FAAH2: variants seen among roughly 807,000 people sequenced by gnomAD.
FAAH2 encodes fatty-acid amide hydrolase 2.
In FAAH2, 60 loss-of-function variants were observed where a neutral mutation model predicts 36.9. The ratio of observed to expected loss-of-function variants is 1.63; its 90% confidence interval spans 1.32 to 2.02. FAAH2 has a LOEUF of 2.02. Among genes scored for constraint, FAAH2 ranks in the 30% most tolerant of loss-of-function variants. The pLI is 0.00. For synonymous variants in FAAH2, 214 were observed against 143.8 expected (o/e 1.49, Z -3.49); for missense variants, 689 against 397.5 (o/e 1.73, Z -6.23).
At chrX:57,194,738 TC>T in the FAAH2 span, among the ~76,000 whole-genome samples, 1 of 110,364 alleles carries the variant, frequency 9.1e-6, no homozygotes, top group East Asian at 2.8e-4. Flanking sequence ...CCTCACCTAC[TC>T]CCCCCCTTCC....
intron 8 of FAAH2, among the ~76,000 whole-genome samples, chrX:57,440,770 C>A (rs377599939): frequency 1.8e-5 from 2 of 111,233 alleles, no homozygotes; most frequent in Non-Finnish European, 3.8e-5. Context: ...TTTTGAGACA[C>A]GTGCCATCAA....
At chrX:57,245,829 GAACA>G in the FAAH2 span, among the ~76,000 whole-genome samples, 4 of 111,365 alleles carry the variant, frequency 3.6e-5, no homozygotes, top group East Asian at 2.8e-4. Flanking sequence ...AGAGAAGCAA[GAACA>G]AACAAATTCC....
At chrX:57,321,897 C>T (rs1350592776) in intron 3 of FAAH2, among the ~76,000 whole-genome samples, 1 of 111,965 alleles carries the variant, frequency 8.9e-6, no homozygotes, top group African/African-American at 3.2e-5. Context: ...CCTATTATTT[C>T]CATATTTAGT....
intron 4 of FAAH2, among the ~76,000 whole-genome samples, chrX:57,339,175 A>G (rs1167307427): frequency 2.7e-5 from 3 of 112,178 alleles, no homozygotes; most frequent in Non-Finnish European, 5.6e-5. Flanking sequence ...CGGATTCTCT[A>G]TTTAATAATT....
intron 10 of FAAH2, among the ~76,000 whole-genome samples, chrX:57,477,869 T>A (rs1369506601): frequency 8.9e-6 from 1 of 112,168 alleles, no homozygotes; most frequent in Non-Finnish European, 1.9e-5. Context: ...GTGCCACATT[T>A]TCTTAATGCA....
intron 5 of FAAH2, among the ~76,000 whole-genome samples, chrX:57,346,861 C>A (rs1294509130): frequency 2.7e-5 from 3 of 111,410 alleles, no homozygotes; most frequent in Admixed American, 9.6e-5. Context: ...GTTGGAATTT[C>A]TTTTCTTTGA....
the FAAH2 span, among the ~76,000 whole-genome samples, chrX:57,190,914 A>G: frequency 9.0e-6 from 1 of 111,104 alleles, no homozygotes; most frequent in African/African-American, 3.3e-5. Flanking sequence ...TTGCTTCCAC[A>G]TTTTGGCTGT....
intron 4 of FAAH2, among the ~76,000 whole-genome samples, chrX:57,336,236 C>A (rs1239690157): frequency 9.0e-6 from 1 of 110,976 alleles, no homozygotes. Flanking sequence ...AGCTCCCCCA[C>A]TGAGTACCTT....
the FAAH2 span, among the ~76,000 whole-genome samples, chrX:57,234,085 A>G: frequency 2.7e-5 from 3 of 113,048 alleles, no homozygotes; most frequent in Admixed American, 2.8e-4. Context: ...ATATTTGTGA[A>G]AAAATTTATT....
chrX:57,195,770 G>T, the FAAH2 span, among the ~76,000 whole-genome samples: 1 of 112,020 alleles, frequency 8.9e-6, no homozygotes, highest in African/African-American at 3.2e-5. Context: ...ATGTTTAGTT[G>T]ACATTTTATA....
At chrX:57,467,378 T>C (rs1370046447) in intron 10 of FAAH2, among the ~76,000 whole-genome samples, 1 of 111,430 alleles carries the variant, frequency 9.0e-6, no homozygotes, top group Non-Finnish European at 1.9e-5. Context: ...AGAAGGCACC[T>C]TGAAAATCGG....
At chrX:57,197,732 T>C in the FAAH2 span, among the ~76,000 whole-genome samples, 4 of 111,666 alleles carry the variant, frequency 3.6e-5, no homozygotes, top group Admixed American at 3.8e-4. Flanking sequence ...GTGATCCATT[T>C]ACAGGTCTCT....
At chrX:57,479,477 T>G (rs780819118) in intron 10 of FAAH2, among the ~76,000 whole-genome samples, 1 of 111,407 alleles carries the variant, frequency 9.0e-6, no homozygotes, top group Non-Finnish European at 1.9e-5. Context: ...TGAATGCCCT[T>G]TTTTTCCTTC....
chrX:57,170,868 C>CT, the FAAH2 span, among the ~76,000 whole-genome samples: 2 of 100,770 alleles, frequency 2.0e-5, no homozygotes, highest in African/African-American at 9.2e-5. Context: ...CCATGACCAG[C>CT]TATTTTTTTT....
chrX:57,431,866 G>C, intron 7 of FAAH2, 52 bp from the exon 8 acceptor site: 1 of 993,447 alleles, frequency 1.0e-6, no homozygotes, highest in Non-Finnish European at 1.3e-6. Context: ...CTCTTCAGTA[G>C]TATCTCCTCT....
At chrX:57,301,112 G>A (rs2052348066) in intron 2 of FAAH2, among the ~76,000 whole-genome samples, 1 of 108,324 alleles carries the variant, frequency 9.2e-6, no homozygotes, top group African/African-American at 3.4e-5. Context: ...CCATTACTGG[G>A]TATATACCCA....
chrX:57,431,983 G>A lies in FAAH2; in HGVS notation c.1062G>A (p.Lys354=). 8.3e-7 allele frequency: 1 copy of A among 1,206,783 alleles called. No homozygotes were observed. Among genetic ancestry groups the A allele is most frequent in the Non-Finnish European group, 1.1e-6 (1 of 892,855 alleles). ...SVQHVKLKKM[K]YSFQLWIAMM... ...AACATGTTAAACTGAAGAAAATGAA[G>A]TACTCTTTTCAGTTGTGGATCGCAA... Residue 354 remains lysine (K), a synonymous_variant, in exon 8 of 11, where the codon AAG becomes AAA. Coordinates refer to ENST00000374900, the MANE Select transcript of FAAH2 (RefSeq NM_174912.4).
At chrX:57,454,015 G>A (rs970994313) in intron 10 of FAAH2, among the ~76,000 whole-genome samples, 18 of 110,907 alleles carry the variant, frequency 1.6e-4, no homozygotes, top group African/African-American at 5.3e-4. Context: ...ACCAGTGATC[G>A]AAGGGGGCTC....
At chrX:57,137,499 A>G in the FAAH2 span, 1 of 190,383 alleles carries the variant, frequency 5.3e-6, no homozygotes, top group Non-Finnish European at 8.1e-6. Flanking sequence ...TCCCTGATGC[A>G]GTGGCTGTAG....
Sources: gnomAD v4.1 joint callset for allele counts (sites outside exome capture counted in the v4.1 genomes callset) on GRCh38, gnomAD v4.1.1 for gene constraint, MANE v1.5 for transcripts, NCBI Gene and HGNC (gene_info 2026-07-23, HGNC 2026-07-21) for gene names.